Variants in ADK observed in about 807,000 individuals in gnomAD.
The protein encoded by ADK is N6,N6-dimethyladenosine kinase.
In ADK, 24 loss-of-function variants were observed where a neutral mutation model predicts 44.7. The observed-to-expected ratio is 0.54, with a 90% CI of 0.39 to 0.76. The LOEUF is 0.76. Among genes scored for constraint, ADK ranks in the 30% least tolerant of loss-of-function variants. ADK has a pLI of 0.00. For synonymous variants in ADK, 128 were observed against 142.6 expected, an observed-to-expected ratio of 0.90 and a Z score of 0.73; for missense variants, 321 against 425.1, an observed-to-expected ratio of 0.76 and a Z score of 2.15.
rs1591791023 is a variant in ADK at position 74,159,963 on chromosome 10, A to G, written c.65+8620A>G. ...CTCTGTTGTCCTTTAGATTCAATTT[A>G]TCTCTCACGTAGGCCATTTCAGTGT... On this transcript the variant is annotated intron_variant, in intron 1 of 10. Coordinates refer to ENST00000539909, the MANE Select transcript of ADK (RefSeq NM_006721.4). Among the ~76,000 whole-genome samples the G allele has an allele frequency of 2.0e-5, 3 of 152,292 alleles. No homozygotes were observed. The East Asian group carries it at 5.8e-4, about 29-fold the overall frequency.
At chr10:74,547,480 TA>T (rs1849872808) in intron 7 of ADK, among the ~76,000 whole-genome samples, 3 of 119,748 alleles carry the variant, frequency 2.5e-5, no homozygotes, top group African/African-American at 8.2e-5. Context: ...ATTTTTATTT[TA>T]TTATTTTTTT....
At chr10:74,668,728 C>T (rs1208159066) in intron 9 of ADK, among the ~76,000 whole-genome samples, 2 of 151,686 alleles carry the variant, frequency 1.3e-5, no homozygotes, top group Admixed American at 6.6e-5. Flanking sequence ...GAATGAGACT[C>T]CGTCTCAAAG....
intron 1 of ADK, among the ~76,000 whole-genome samples, chr10:74,179,067 A>G (rs1001465877): frequency 6.6e-6 from 1 of 152,230 alleles, no homozygotes; most frequent in Non-Finnish European, 1.5e-5. Flanking sequence ...TTATCCTGCA[A>G]CGAACTTGAT....
Position 74,577,468 on chromosome 10 carries a change from T to C in ADK, c.727-11814T>C, listed in dbSNP as rs1851233492. ...GTTAGCTTTATTAAAGATTTTTTTT[T>C]CTTATCTTTTTTCTTTCAACTATTG... is the stretch of plus-strand genomic sequence containing the variant. On this transcript the variant is annotated intron_variant, in intron 7 of 10. Coordinates refer to ENST00000539909, the MANE Select transcript of ADK (RefSeq NM_006721.4). Among the ~76,000 whole-genome samples, 3 of 152,102 alleles carry C rather than the reference T, an allele frequency of 2.0e-5. No homozygotes were observed. The South Asian group carries it at 6.2e-4, about 31-fold the overall frequency.
At chr10:74,614,450 T>C (rs965264099) in intron 9 of ADK, among the ~76,000 whole-genome samples, 1 of 152,250 alleles carries the variant, frequency 6.6e-6, no homozygotes, top group South Asian at 2.1e-4. Context: ...CATACAAAAT[T>C]GATACAACTT....
intron 7 of ADK, among the ~76,000 whole-genome samples, chr10:74,577,742 C>T (rs1462364294): frequency 2.0e-5 from 3 of 152,174 alleles, no homozygotes; most frequent in Non-Finnish European, 4.4e-5. Flanking sequence ...TCCCTCTTCT[C>T]CCTCTAAAAA....
chr10:74,615,000 C>T (rs762027372), intron 9 of ADK, among the ~76,000 whole-genome samples: 3 of 151,924 alleles, frequency 2.0e-5, no homozygotes, highest in Non-Finnish European at 2.9e-5. Context: ...TATTTCAGTC[C>T]AGCAGCACAA....
intron 6 of ADK, among the ~76,000 whole-genome samples, chr10:74,504,941 T>C (rs1488642627): frequency 2.0e-5 from 3 of 152,070 alleles, no homozygotes; most frequent in Non-Finnish European, 4.4e-5. Context: ...CAGTTCTTTA[T>C]AGGAGTGTGA....
rs376737861 is a variant in ADK, at chr10:74,541,805, CT to C, written c.726+16380del. Among the ~76,000 whole-genome samples, 1,194 of 132,310 alleles carry C rather than the reference CT, an allele frequency of 9.0e-3. 68 individuals are homozygous for C. In the East Asian group the frequency reaches 0.15, roughly 16 times the overall value. 86.8% of individuals were successfully genotyped at this position (132,310 alleles called of 152,430 possible). A position where few individuals can be genotyped will look rare whatever the true frequency, so the allele number is the denominator to read the frequency against. On this transcript the variant is annotated intron_variant, in intron 7 of 10. Transcript: ENST00000539909. ...GAGAACCCCCACACACCCCCCCCCC[CT>C]AAAAAAAAACAACACAACACAGAAA...
chr10:74,204,155 C>T (rs964487641), intron 2 of ADK, among the ~76,000 whole-genome samples: 6 of 151,834 alleles, frequency 4.0e-5, no homozygotes, highest in Non-Finnish European at 8.8e-5. Flanking sequence ...CAGGGTTTCA[C>T]CATGTTGGTC....
intron 3 of ADK, among the ~76,000 whole-genome samples, chr10:74,295,998 A>G (rs1839797864): frequency 6.6e-6 from 1 of 150,818 alleles, no homozygotes; most frequent in Admixed American, 6.6e-5. Flanking sequence ...GTTTCAAAGA[A>G]CTAACTTTGG....
intron 1 of ADK, among the ~76,000 whole-genome samples, chr10:74,166,623 GTTGCAAT>G (rs1477971603): frequency 6.8e-6 from 1 of 146,052 alleles, no homozygotes; most frequent in African/African-American, 2.6e-5. Flanking sequence ...GAAGGTGGAA[GTTGCAAT>G]AAGCCAAGAT....
intron 6 of ADK, among the ~76,000 whole-genome samples, chr10:74,484,797 G>A (rs984383429): frequency 1.3e-5 from 2 of 152,094 alleles, no homozygotes; most frequent in Non-Finnish European, 2.9e-5. Context: ...ATAAGGAAAT[G>A]GTTGATTATT....
At chr10:74,608,185 T>C (rs1368438190) in intron 9 of ADK, among the ~76,000 whole-genome samples, 1 of 151,982 alleles carries the variant, frequency 6.6e-6, no homozygotes, top group East Asian at 1.9e-4. Context: ...CATGGTCCTT[T>C]AGCTCGGCGG....
chr10:74,400,290 T>C (rs752748604), intron 6 of ADK, among the ~76,000 whole-genome samples: 6 of 152,194 alleles, frequency 3.9e-5, no homozygotes, highest in Non-Finnish European at 7.4e-5. Context: ...ATAAAAAGAA[T>C]GATCTCTTAC....
At chr10:74,181,086 C>A (rs921856028) in intron 1 of ADK, among the ~76,000 whole-genome samples, 2 of 152,170 alleles carry the variant, frequency 1.3e-5, no homozygotes, top group African/African-American at 4.8e-5. Context: ...CTAATTTTCT[C>A]ATTTTACAGT....
At chr10:74,599,032 C>T (rs1420407186) in intron 8 of ADK, among the ~76,000 whole-genome samples, 7 of 152,122 alleles carry the variant, frequency 4.6e-5, no homozygotes, top group African/African-American at 1.7e-4. Flanking sequence ...TTGGTCCTTT[C>T]AGCTGTTACT....
At chr10:74,523,929 T>C (rs1848936030) in intron 6 of ADK, among the ~76,000 whole-genome samples, 1 of 152,204 alleles carries the variant, frequency 6.6e-6, no homozygotes, top group South Asian at 2.1e-4. Context: ...AGCTTGTTAT[T>C]CCTTCCTTTC....
chr10:74,387,125 C>T (rs772580492), intron 4 of ADK, among the ~76,000 whole-genome samples: 8 of 152,032 alleles, frequency 5.3e-5, no homozygotes, highest in African/African-American at 1.2e-4. Context: ...TTAGTAGAGA[C>T]GGTGTTTCAC....
Sources: gnomAD v4.1 joint callset for allele counts (sites outside exome capture counted in the v4.1 genomes callset) on GRCh38, gnomAD v4.1.1 for gene constraint, MANE v1.5 for transcripts, NCBI Gene and HGNC (gene_info 2026-07-23, HGNC 2026-07-21) for gene names.